The following CHLSN variants were observed in gnomAD, a reference collection of about 807,000 sequenced individuals.
CHLSN encodes protein cholesin.
chr7:1,056,948 G>A, the CHLSN span: 1 of 155,792 alleles, frequency 6.4e-6, no homozygotes, highest in Non-Finnish European at 1.4e-5. Context: ...GACTGGCTAT[G>A]TCCCCATGTC....
chr7:1,120,501 C>T, the CHLSN span, among the ~76,000 whole-genome samples: 114 of 152,152 alleles, frequency 7.5e-4, 1 homozygote, highest in African/African-American at 2.5e-3. Context: ...CATGTTGCCC[C>T]GGCTGGTCTC....
chr7:1,011,458 C>A, the CHLSN span, among the ~76,000 whole-genome samples: 2 of 149,076 alleles, frequency 1.3e-5, no homozygotes, highest in African/African-American at 2.5e-5. Context: ...CGCCCACAGA[C>A]ACCCAGACAC....
chr7:1,010,038 TCTC>T, the CHLSN span: 1 of 1,610,762 alleles, frequency 6.2e-7, no homozygotes, highest in Non-Finnish European at 8.5e-7. Context: ...AGACGCTGCC[TCTC>T]CTCTTTCTTC....
At chr7:1,087,649 G>C in the CHLSN span, among the ~76,000 whole-genome samples, 1 of 152,224 alleles carries the variant, frequency 6.6e-6, no homozygotes, top group East Asian at 1.9e-4. Context: ...CCAGTACTCA[G>C]ATTCCTAAGT....
the CHLSN span, among the ~76,000 whole-genome samples, chr7:1,053,825 T>TA: frequency 2.2e-4 from 34 of 152,098 alleles, no homozygotes; most frequent in African/African-American, 8.2e-4. Context: ...AGACTCCATC[T>TA]CAAAAAAACA....
the CHLSN span, among the ~76,000 whole-genome samples, chr7:1,101,061 G>A: frequency 6.6e-6 from 1 of 152,214 alleles, no homozygotes; most frequent in East Asian, 1.9e-4. Context: ...AGGCCCAGGC[G>A]GCCCTGCCAC....
At chr7:993,850 G>A in the CHLSN span, among the ~76,000 whole-genome samples, 18 of 152,074 alleles carry the variant, frequency 1.2e-4, no homozygotes, top group African/African-American at 4.3e-4. Flanking sequence ...CCGAACCTGT[G>A]TCACTCTTGG....
the CHLSN span, among the ~76,000 whole-genome samples, chr7:1,068,652 C>A: frequency 6.6e-6 from 1 of 152,136 alleles, no homozygotes; most frequent in Non-Finnish European, 1.5e-5. Context: ...AGTCTTCCCC[C>A]CAACGCTTAG....
chr7:1,053,264 T>C, the CHLSN span, among the ~76,000 whole-genome samples: 2 of 152,180 alleles, frequency 1.3e-5, no homozygotes, highest in Non-Finnish European at 2.9e-5. Flanking sequence ...GGCAGGCACA[T>C]GGGGCCCAGG....
At chr7:990,554 G>A in the CHLSN span, among the ~76,000 whole-genome samples, 1 of 152,020 alleles carries the variant, frequency 6.6e-6, no homozygotes, top group Non-Finnish European at 1.5e-5. Context: ...GTGGTGGCCG[G>A]GACACACGGG....
chr7:1,073,271 G>A, the CHLSN span, among the ~76,000 whole-genome samples: 1 of 152,146 alleles, frequency 6.6e-6, no homozygotes, highest in African/African-American at 2.4e-5. Context: ...CCAGAGGGCA[G>A]CGGAAGGGAA....
the CHLSN span, among the ~76,000 whole-genome samples, chr7:1,101,879 C>T: frequency 6.6e-6 from 1 of 152,258 alleles, no homozygotes; most frequent in African/African-American, 2.4e-5. Context: ...AAACGAGGCT[C>T]GCTCCTGAGT....
the CHLSN span, among the ~76,000 whole-genome samples, chr7:998,321 G>A: frequency 2.6e-5 from 4 of 152,176 alleles, no homozygotes; most frequent in East Asian, 1.9e-4. Flanking sequence ...CTGTGGCAGC[G>A]GCTTTCAACA....
the CHLSN span, among the ~76,000 whole-genome samples, chr7:1,053,758 C>T: frequency 2.6e-5 from 4 of 152,120 alleles, no homozygotes; most frequent in Non-Finnish European, 5.9e-5. Context: ...ACCCGGGAGG[C>T]GGAGGTTGCA....
the CHLSN span, among the ~76,000 whole-genome samples, chr7:994,197 A>G: frequency 1.3e-5 from 2 of 152,262 alleles, no homozygotes; most frequent in Admixed American, 6.5e-5. Context: ...TCGCTCTGTC[A>G]CCCAGGCTGG....
At chr7:979,050 G>A in the CHLSN span, among the ~76,000 whole-genome samples, 4 of 152,204 alleles carry the variant, frequency 2.6e-5, no homozygotes, top group Admixed American at 6.5e-5. Context: ...CTGGGTCCAC[G>A]GCACAGGTGT....
At chr7:1,108,452 C>A in the CHLSN span, among the ~76,000 whole-genome samples, 1 of 152,156 alleles carries the variant, frequency 6.6e-6, no homozygotes, top group Non-Finnish European at 1.5e-5. Flanking sequence ...GGCAGCTTTG[C>A]ACCTATCTGC....
the CHLSN span, among the ~76,000 whole-genome samples, chr7:1,009,385 C>T: frequency 6.6e-6 from 1 of 152,180 alleles, no homozygotes; most frequent in Admixed American, 6.5e-5. Flanking sequence ...GGGGAGGTGG[C>T]CACAGCCCGC....
At chr7:1,092,313 C>T in the CHLSN span, 17 of 1,611,626 alleles carry the variant, frequency 1.1e-5, no homozygotes, top group Middle Eastern at 1.6e-4. Flanking sequence ...CCTTCACCGC[C>T]GTGCACCTGC....
Sources: gnomAD v4.1 joint callset for allele counts (sites outside exome capture counted in the v4.1 genomes callset) on GRCh38, gnomAD v4.1.1 for gene constraint, MANE v1.5 for transcripts, NCBI Gene and HGNC (gene_info 2026-07-23, HGNC 2026-07-21) for gene names.